NEGR1: variants seen among roughly 807,000 people sequenced by gnomAD.
The protein encoded by NEGR1 is neuronal growth regulator 1.
Under a neutral mutation model 40.9 loss-of-function variants are expected in NEGR1, and 10 were observed. That is an observed-to-expected ratio of 0.24 (90% CI 0.15 to 0.42). The LOEUF is 0.42. NEGR1 is among the 10% of genes least tolerant of loss of function. NEGR1 has a pLI of 1.00. For missense variants in NEGR1, 352 were observed against 438.9 expected (o/e 0.80, Z 1.77); for synonymous variants, 185 against 166.8 (o/e 1.11, Z -0.84).
At chr1:72,229,821 T>C (rs1437376207) in intron 1 of NEGR1, among the ~76,000 whole-genome samples, 1 of 152,076 alleles carries the variant, frequency 6.6e-6, no homozygotes, top group East Asian at 1.9e-4. Flanking sequence ...GTAATTAAAA[T>C]TACATTTCTA....
chr1:72,152,853 G>A (rs1394061392), intron 1 of NEGR1, among the ~76,000 whole-genome samples: 1 of 151,858 alleles, frequency 6.6e-6, no homozygotes, highest in Non-Finnish European at 1.5e-5. Flanking sequence ...GCAGTCAGGG[G>A]TCAAATCCTA....
intron 1 of NEGR1, among the ~76,000 whole-genome samples, chr1:72,003,255 C>T (rs1036097731): frequency 2.6e-5 from 4 of 151,510 alleles, no homozygotes; most frequent in African/African-American, 4.9e-5. Context: ...ATCTAGAGGC[C>T]GTTCTGCTCT....
chr1:71,552,795 G>GT (rs1289360804), intron 6 of NEGR1, among the ~76,000 whole-genome samples: 1 of 151,178 alleles, frequency 6.6e-6, no homozygotes, highest in South Asian at 2.1e-4. Flanking sequence ...GCCCAACTCT[G>GT]TTTTTTCTTG....
intron 1 of NEGR1, chr1:72,100,775 A>C (rs1413430432): frequency 6.6e-6 from 1 of 152,198 alleles, no homozygotes; most frequent in African/African-American, 2.4e-5. Flanking sequence ...TTCCATAACA[A>C]AATCCACAGA....
intron 2 of NEGR1, 127 bp downstream of exon 2, chr1:71,934,952 T>TCAACAAATATTTCAATGA (rs1480780796): frequency 3.1e-6 from 2 of 647,462 alleles, no homozygotes; most frequent in African/African-American, 3.7e-5. Flanking sequence ...ACAATATAAT[T>TCAACAAATATTTCAATGA]CAACAAATAT....
At chr1:71,780,706 A>T (rs1238380483) in intron 2 of NEGR1, among the ~76,000 whole-genome samples, 1 of 152,236 alleles carries the variant, frequency 6.6e-6, no homozygotes, top group African/African-American at 2.4e-5. Context: ...ACTGCTACTT[A>T]GTACCTGGTC....
At position 71,402,548 on chromosome 1, in the gene NEGR1, A is replaced by G. The variant is rs1296681521; in HGVS notation, c.*4898T>C. On this transcript the variant is annotated 3_prime_UTR_variant, in exon 7 of 7. Transcript: ENST00000357731. ...CTAAATTGCTCTCTTTCCACCAGTG[A>G]TATCAATTCTGAAATACTTTTGAGT... 2 of 152,176 alleles carry G rather than the reference A, an allele frequency of 1.3e-5. No individual in the cohort carries two copies. Among genetic ancestry groups the G allele is most frequent in the African/African-American group, 4.8e-5 (2 of 41,448 alleles). 9.4% of individuals were successfully genotyped at this position (152,176 alleles called of 1,614,324 possible). A position where few individuals can be genotyped will look rare whatever the true frequency, so the allele number is the denominator to read the frequency against.
intron 1 of NEGR1, among the ~76,000 whole-genome samples, chr1:72,088,410 C>T (rs2821260): frequency 0.59 from 89,363 of 151,940 alleles, 26,679 homozygotes; most frequent in African/African-American, 0.69. Flanking sequence ...CAGTAGACGA[C>T]CATTACGAGT....
chr1:71,859,859 A>G (rs776166882), intron 2 of NEGR1, among the ~76,000 whole-genome samples: 2 of 152,086 alleles, frequency 1.3e-5, no homozygotes, highest in African/African-American at 4.8e-5. Flanking sequence ...TTATTCATCC[A>G]TCTAAATATC....
chr1:72,120,210 A>C (rs575458435), intron 1 of NEGR1, among the ~76,000 whole-genome samples: 6 of 152,034 alleles, frequency 3.9e-5, no homozygotes, highest in African/African-American at 1.2e-4. Context: ...GGTAAAAAGC[A>C]TATTAGATAA....
intron 1 of NEGR1, among the ~76,000 whole-genome samples, chr1:72,211,972 GA>G (rs1211082138): frequency 6.6e-6 from 1 of 151,742 alleles, no homozygotes; most frequent in Non-Finnish European, 1.5e-5. Flanking sequence ...CCAGATTTTG[GA>G]AAATGTTTTT....
Position 71,927,951 on chromosome 1 carries a change from A to T in NEGR1, c.409+7128T>A, listed in dbSNP as rs1005886810. On this transcript the variant is annotated intron_variant, in intron 2 of 6. Transcript: ENST00000357731. ...GAGGTTGAGGCTGCAGTAGGCCAAGACTGAGCCACTACACTTCAGCCTGGA... is the reference window on the plus strand; with the variant it reads ...GAGGTTGAGGCTGCAGTAGGCCAAGTCTGAGCCACTACACTTCAGCCTGGA... Among the ~76,000 whole-genome samples, 60 of 147,644 alleles carry T rather than the reference A, an allele frequency of 4.1e-4. 1 individual carries two copies. Among genetic ancestry groups the T allele is most frequent in the African/African-American group, 1.4e-3 (55 of 39,854 alleles).
At chr1:71,783,706 T>A (rs1453642221) in intron 2 of NEGR1, among the ~76,000 whole-genome samples, 2 of 152,178 alleles carry the variant, frequency 1.3e-5, no homozygotes, top group East Asian at 3.9e-4. Flanking sequence ...TGAATTATGT[T>A]GCTTACTTTA....
intron 2 of NEGR1, among the ~76,000 whole-genome samples, chr1:71,864,317 T>TAA: frequency 6.6e-6 from 1 of 152,184 alleles, no homozygotes; most frequent in Non-Finnish European, 1.5e-5. Context: ...AGGTTTGTCC[T>TAA]GCTCCCTGCT....
intron 1 of NEGR1, among the ~76,000 whole-genome samples, chr1:72,067,845 A>T (rs1310101465): frequency 6.6e-6 from 1 of 152,152 alleles, no homozygotes; most frequent in Non-Finnish European, 1.5e-5. Flanking sequence ...ACTTCCTATC[A>T]TTACTGAAGG....
At chr1:71,607,453 G>T (rs2101538350) in intron 5 of NEGR1, among the ~76,000 whole-genome samples, 1 of 152,308 alleles carries the variant, frequency 6.6e-6, no homozygotes, top group Middle Eastern at 3.4e-3. Flanking sequence ...CATGGACTCT[G>T]CATGAAGATT....
At chr1:72,163,246 A>C (rs2100379392) in intron 1 of NEGR1, among the ~76,000 whole-genome samples, 1 of 152,256 alleles carries the variant, frequency 6.6e-6, no homozygotes, top group East Asian at 1.9e-4. Flanking sequence ...ATATAACGTA[A>C]ATAAGGTCAT....
At chr1:72,073,213 G>A (rs78956581) in intron 1 of NEGR1, among the ~76,000 whole-genome samples, 2,331 of 152,180 alleles carry the variant, frequency 0.015, 58 homozygotes, top group African/African-American at 0.053. Flanking sequence ...AGGCCTTTAT[G>A]TGCCTTCTGA....
intron 2 of NEGR1, among the ~76,000 whole-genome samples, chr1:71,920,122 C>G (rs976222158): frequency 2.6e-5 from 4 of 152,190 alleles, no homozygotes; most frequent in African/African-American, 9.7e-5. Context: ...CAAACCACCT[C>G]CAAGCCATCT....
Sources: allele counts gnomAD v4.1 joint callset (sites outside exome capture counted in the v4.1 genomes callset), GRCh38; gene constraint gnomAD v4.1.1; transcripts MANE v1.5; gene names NCBI Gene and HGNC (gene_info 2026-07-23, HGNC 2026-07-21).